The following HIVEP3 variants were observed in gnomAD, a reference collection of about 807,000 sequenced individuals.
The protein encoded by HIVEP3 is HIVEP zinc finger 3, also known as transcription factor HIVEP3.
HIVEP3 carries 49 observed loss-of-function variants against 152.8 expected under a neutral mutation model. The observed-to-expected ratio is 0.32, with a 90% confidence interval of 0.26 to 0.41. HIVEP3 has a LOEUF of 0.41. Among genes scored for constraint, HIVEP3 ranks in the 10% least tolerant of loss-of-function variants. The pLI, the probability that HIVEP3 is intolerant of heterozygous loss-of-function variation, is 1.00. For synonymous variants in HIVEP3, 1,269 were observed against 1,289.0 expected (o/e 0.98, Z 0.33); for missense variants, 2,790 against 3,103.3 (o/e 0.90, Z 2.40).
rs181786106 is a variant in HIVEP3, at chr1:41,946,952, G to A, written n.120-28428C>T. On this transcript the variant is annotated intron_variant and non_coding_transcript_variant, in intron 1 of 3. Transcript: ENST00000489103. ...AGATCTCAGGATTATCAATGAGGCC[G>A]TTGTTCCTCTATACCCAGCTGTACC... Among the ~76,000 whole-genome samples the A allele has an allele frequency of 7.9e-5, 12 of 152,288 alleles. 1 individual carries two copies. The East Asian group carries it at 1.5e-3, about 20-fold the overall frequency.
At chr1:41,537,106 A>T (rs2492068) in intron 5 of HIVEP3, among the ~76,000 whole-genome samples, 146,839 of 152,312 alleles carry the variant, frequency 0.96, 71,037 homozygotes, top group East Asian at 1. Context: ...GTGACTTTTC[A>T]CTCCACCAAG....
Position 41,949,194 on chromosome 1 carries a change from CT to C in HIVEP3, n.120-30671del, listed in dbSNP as rs532747460. ...TGCTTCCTCTCATTCTTAGTGCCCC[CT>C]ATGACCATCTACACTGAGCAAGATT... On this transcript the variant is annotated intron_variant and non_coding_transcript_variant, in intron 1 of 3. Transcript: ENST00000489103. Among the ~76,000 whole-genome samples the C allele has an allele frequency of 3.3e-3, 505 of 152,234 alleles. 3 individuals carry two copies. The highest frequency in any genetic ancestry group is 0.011 in the African/African-American group (470 of 41,550).
In HIVEP3 at chr1:41,638,317, G is replaced by GGAAA. The variant is rs200998057; in HGVS notation, c.-720-9374_-720-9371dup. Among the ~76,000 whole-genome samples, 10 of 105,252 alleles carry GGAAA rather than the reference G, an allele frequency of 9.5e-5. No homozygotes were observed. The South Asian group carries it at 3.0e-3, about 31-fold the overall frequency. The allele number at this position is 105,252 out of a possible 152,430, so 69.0% of individuals were successfully genotyped here. ...GGAAGGAGAGAGAAAGAAAGGAAAA[G>GGAAA]GAAAGAAAGAAAGAAAGGGAGAGAG... On this transcript the variant is annotated intron_variant, in intron 2 of 8. Coordinates refer to ENST00000372583, the MANE Select transcript of HIVEP3 (RefSeq NM_024503.5).
At chr1:41,877,840 A>G (rs1644194962) in intron 1 of HIVEP3, among the ~76,000 whole-genome samples, 1 of 152,220 alleles carries the variant, frequency 6.6e-6, no homozygotes, top group South Asian at 2.1e-4. Context: ...TTTTCTGACT[A>G]CAGACTCAAC....
chr1:41,652,167 C>T (rs1414023991), intron 2 of HIVEP3, among the ~76,000 whole-genome samples: 2 of 152,160 alleles, frequency 1.3e-5, no homozygotes, highest in Non-Finnish European at 1.5e-5. Context: ...GATAAGAACA[C>T]GCCAGAGTCT....
At chr1:41,928,357 C>CT (rs1301866889) in intron 1 of HIVEP3, among the ~76,000 whole-genome samples, 1 of 152,088 alleles carries the variant, frequency 6.6e-6, no homozygotes, top group East Asian at 1.9e-4. Context: ...GCTCTCCCTA[C>CT]TTTTTTTCTT....
chr1:41,550,632 T>A (rs894830737), intron 5 of HIVEP3, among the ~76,000 whole-genome samples: 1 of 152,168 alleles, frequency 6.6e-6, no homozygotes, highest in Admixed American at 6.5e-5. Context: ...ATTCTCTTTG[T>A]AGCAATTGTG....
At chr1:41,695,435 G>C (rs753104295) in intron 2 of HIVEP3, among the ~76,000 whole-genome samples, 3 of 152,182 alleles carry the variant, frequency 2.0e-5, no homozygotes, top group Non-Finnish European at 4.4e-5. Flanking sequence ...CCATGGGTTG[G>C]GGGCCAATAC....
At chr1:41,761,701 G>A (rs1647694472) in intron 1 of HIVEP3, among the ~76,000 whole-genome samples, 1 of 152,100 alleles carries the variant, frequency 6.6e-6, no homozygotes, top group African/African-American at 2.4e-5. Flanking sequence ...AAGTGTGTGT[G>A]TGCATGTATA....
chr1:41,748,169 G>T (rs1183061260), intron 1 of HIVEP3, among the ~76,000 whole-genome samples: 1 of 152,232 alleles, frequency 6.6e-6, no homozygotes, highest in Non-Finnish European at 1.5e-5. Context: ...CCCGTCAGAA[G>T]TCACGGCAGG....
chr1:41,947,211 C>T (rs1285522098), intron 1 of HIVEP3, among the ~76,000 whole-genome samples: 2 of 151,818 alleles, frequency 1.3e-5, no homozygotes, highest in Non-Finnish European at 2.9e-5. Flanking sequence ...CCTGGACACT[C>T]TTGTCCTTCG....
At chr1:41,655,526 T>G (rs1645615119) in intron 2 of HIVEP3, among the ~76,000 whole-genome samples, 2 of 132,352 alleles carry the variant, frequency 1.5e-5, no homozygotes, top group Admixed American at 1.8e-4. Context: ...AAGGTTGTAG[T>G]GAGAAGAGAT....
In HIVEP3 at chr1:41,512,875, G is replaced by A; in HGVS notation, c.6346C>T (p.Pro2116Ser). The A allele has an allele frequency of 1.3e-6, 2 of 1,558,148 alleles. No homozygotes were observed. The highest frequency in any genetic ancestry group is 2.4e-5 in the East Asian group (1 of 41,740). Residue 2116 changes from proline (P) to serine (S), a missense_variant, in exon 8 of 9, where the codon CCC (proline) becomes TCC (serine). By Grantham distance (74) the Pro-to-Ser change is moderately conservative. Around this residue, in one of 9 missense-constraint regions of HIVEP3, gnomAD observed 816 missense variants for 806.5 expected, o/e 1.01. Coordinates refer to ENST00000372583, the MANE Select transcript of HIVEP3 (RefSeq NM_024503.5). ...AGGAGCTTGTGAGGTAGAGGCGCGG[G>A]CGGGAAGAGAACCCGTGGGTCCAGC... ...LGLDPRVLFP[P>S]APLPHKLLSR...
chr1:41,749,073 C>A (rs886852901), intron 1 of HIVEP3, among the ~76,000 whole-genome samples: 14 of 152,184 alleles, frequency 9.2e-5, no homozygotes, highest in African/African-American at 3.1e-4. Context: ...CTGTTAGAGA[C>A]AGAACAAGGG....
chr1:41,935,746 A>G (rs1386293798), intron 1 of HIVEP3, among the ~76,000 whole-genome samples: 1 of 146,996 alleles, frequency 6.8e-6, no homozygotes, highest in Non-Finnish European at 1.5e-5. Flanking sequence ...ATTATATATT[A>G]TATATATTTT....
chr1:41,759,019 T>G (rs944415388), intron 1 of HIVEP3, among the ~76,000 whole-genome samples: 1 of 152,118 alleles, frequency 6.6e-6, no homozygotes, highest in Non-Finnish European at 1.5e-5. Context: ...CGCAGTGTTG[T>G]GCAACCATCA....
intron 1 of HIVEP3, among the ~76,000 whole-genome samples, chr1:41,765,498 T>A (rs966660763): frequency 6.6e-6 from 1 of 152,164 alleles, no homozygotes; most frequent in African/African-American, 2.4e-5. Context: ...TTTGGGCAGG[T>A]CTCCAAGGAT....
chr1:41,835,998 T>C (rs1452270864), intron 1 of HIVEP3, among the ~76,000 whole-genome samples: 3 of 152,232 alleles, frequency 2.0e-5, no homozygotes, highest in Non-Finnish European at 4.4e-5. Context: ...TTTGTCTTTC[T>C]AGATTATGTG....
At position 41,802,686 on chromosome 1, in the gene HIVEP3, A is replaced by T. The variant is rs998015917; in HGVS notation, c.-800-101691T>A. ...TGAGCCTCAGGCTTCTTACCTGTAAAATGGGAATGACATGTAACAATTAAA... is the reference window on the plus strand; with the variant it reads ...TGAGCCTCAGGCTTCTTACCTGTAATATGGGAATGACATGTAACAATTAAA... On this transcript the variant is annotated intron_variant, in intron 1 of 8. Transcript: ENST00000372583. Among the ~76,000 whole-genome samples, 18 of 152,310 alleles carry T rather than the reference A, an allele frequency of 1.2e-4. 1 individual carries two copies. In the South Asian group the frequency reaches 3.7e-3, roughly 32 times the overall value.
Sources: allele counts gnomAD v4.1 joint callset (sites outside exome capture counted in the v4.1 genomes callset), GRCh38; gene constraint gnomAD v4.1.1; regional missense constraint gnomAD v4.1.1; transcripts MANE v1.5; gene names NCBI Gene and HGNC (gene_info 2026-07-23, HGNC 2026-07-21).